Variants in MAML3 observed in about 807,000 individuals in gnomAD.
MAML3 encodes mastermind-like protein 3.
A neutral mutation model predicts 101.9 loss-of-function variants in MAML3; 27 were observed. The ratio of observed to expected loss-of-function variants is 0.27; its 90% CI spans 0.20 to 0.37. The LOEUF is 0.37. Ranked by LOEUF, MAML3 falls within the 10% of genes least tolerant of loss-of-function variation. MAML3 has a pLI of 1.00. For missense variants in MAML3, 1,316 were observed against 1,444.9 expected (o/e 0.91, Z 1.45); for synonymous variants, 501 against 555.9 (o/e 0.90, Z 1.39).
intron 1 of MAML3, among the ~76,000 whole-genome samples, chr4:139,908,977 G>A (rs1442320233): frequency 2.0e-5 from 3 of 152,160 alleles, no homozygotes; most frequent in East Asian, 3.8e-4. Flanking sequence ...TACATTATGC[G>A]AAGTACGCCC....
At chr4:139,916,708 T>C (rs1399736401) in intron 1 of MAML3, among the ~76,000 whole-genome samples, 1 of 152,240 alleles carries the variant, frequency 6.6e-6, no homozygotes, top group East Asian at 1.9e-4. Context: ...TTTTTCTTTA[T>C]TAATAGCTTT....
Position 139,719,697 on chromosome 4 carries a change from T to C in MAML3, c.3043A>G (p.Thr1015Ala). 1 of 1,613,648 alleles carries C rather than the reference T, an allele frequency of 6.2e-7. No homozygotes were observed. The highest frequency in any genetic ancestry group is 1.6e-4 in the Middle Eastern group (1 of 6,062). Residue 1015 changes from threonine (T) to alanine (A), a missense_variant, in exon 5 of 5, where the codon ACG (threonine) becomes GCG (alanine). Coordinates refer to ENST00000509479, the MANE Select transcript of MAML3 (RefSeq NM_018717.5). ...GLSQSVVDAN[T>A]GTVRTLNPAA... ...GGGTTGAGGGTCCTCACTGTGCCCG[T>C]GTTAGCATCCACGACTGACTGGCTC...
chr4:139,931,323 T>C (rs1034242807), intron 1 of MAML3, among the ~76,000 whole-genome samples: 1 of 152,132 alleles, frequency 6.6e-6, no homozygotes, highest in Non-Finnish European at 1.5e-5. Flanking sequence ...TGATGAGAGA[T>C]GTGGTAACCC....
rs191574208 is a variant in MAML3, at chr4:139,925,752, G to A, written c.469-34785C>T. On this transcript the variant is annotated intron_variant, in intron 1 of 4. Coordinates refer to ENST00000509479, the MANE Select transcript of MAML3 (RefSeq NM_018717.5). ...TCAAGTTGACAAGTGCTTTATTATA[G>A]TCTCTCTACTCTTCTGTACGTTTGA... is the stretch of plus-strand genomic sequence containing the variant. 1.3e-3 allele frequency among the ~76,000 whole-genome samples: 199 copies of A among 152,274 alleles called. 1 individual carries two copies. The highest frequency in any genetic ancestry group is 4.3e-3 in the African/African-American group (180 of 41,548).
intron 1 of MAML3, among the ~76,000 whole-genome samples, chr4:140,112,704 T>C (rs1370007503): frequency 6.6e-6 from 1 of 152,242 alleles, no homozygotes; most frequent in African/African-American, 2.4e-5. Context: ...CAAAGACTCT[T>C]CAGAACCAGT....
intron 1 of MAML3, among the ~76,000 whole-genome samples, chr4:139,979,569 T>C (rs577644528): frequency 6.6e-6 from 1 of 152,292 alleles, no homozygotes; most frequent in East Asian, 1.9e-4. Flanking sequence ...AATGTGACAG[T>C]ATCAAGAGGT....
intron 1 of MAML3, among the ~76,000 whole-genome samples, chr4:139,932,538 A>T (rs1483018834): frequency 6.6e-6 from 1 of 152,194 alleles, no homozygotes. Context: ...GGAGCAGGAA[A>T]ACAGCTTGTT....
Position 139,718,070 on chromosome 4 carries a change from G to A in MAML3, c.*1253C>T, listed in dbSNP as rs577789650. 6.6e-6 allele frequency: 1 copy of A among 152,228 alleles called. No individual in the cohort carries two copies. Among genetic ancestry groups the A allele is most frequent in the Non-Finnish European group, 1.5e-5 (1 of 68,002 alleles). 9.4% of individuals were successfully genotyped at this position (152,228 alleles called of 1,614,324 possible). Reference sequence around the variant, plus strand: ...GTCTTTCTGATGAGTAGGGATGATGGGAAAGGTGGATTTTTAGAGCATCAC... The same window carrying A: ...GTCTTTCTGATGAGTAGGGATGATGAGAAAGGTGGATTTTTAGAGCATCAC... On this transcript the variant is annotated 3_prime_UTR_variant, in exon 5 of 5. Coordinates refer to ENST00000509479, the MANE Select transcript of MAML3 (RefSeq NM_018717.5).
At chr4:140,038,634 A>G (rs1005678310) in intron 1 of MAML3, among the ~76,000 whole-genome samples, 7 of 152,298 alleles carry the variant, frequency 4.6e-5, no homozygotes, top group South Asian at 2.1e-4. Flanking sequence ...ACAAGTACTG[A>G]ATGCCCTGTA....
chr4:139,922,190 C>A (rs939226264), intron 1 of MAML3, among the ~76,000 whole-genome samples: 1 of 152,076 alleles, frequency 6.6e-6, no homozygotes, highest in African/African-American at 2.4e-5. Flanking sequence ...TGTCCTCCCC[C>A]TTCTGCTCCC....
chr4:140,115,121 A>C (rs963107873), intron 1 of MAML3, among the ~76,000 whole-genome samples: 3 of 152,200 alleles, frequency 2.0e-5, no homozygotes, highest in African/African-American at 7.2e-5. Flanking sequence ...AGTTTTATTA[A>C]ACATTTGTCC....
At chr4:140,020,040 C>T (rs1726707682) in intron 1 of MAML3, among the ~76,000 whole-genome samples, 1 of 152,132 alleles carries the variant, frequency 6.6e-6, no homozygotes, top group Admixed American at 6.5e-5. Flanking sequence ...GGACATATGC[C>T]TTGTTTTCTC....
intron 1 of MAML3, among the ~76,000 whole-genome samples, chr4:139,907,155 C>T (rs1732836127): frequency 6.6e-6 from 1 of 152,180 alleles, no homozygotes; most frequent in African/African-American, 2.4e-5. Flanking sequence ...ATGTCAGGAA[C>T]TTGAAAAGCA....
At chr4:140,094,124 T>C (rs1295061270) in intron 1 of MAML3, among the ~76,000 whole-genome samples, 1 of 152,224 alleles carries the variant, frequency 6.6e-6, no homozygotes, top group Non-Finnish European at 1.5e-5. Context: ...CCTTCAGTTC[T>C]ATTTGCAGGC....
intron 2 of MAML3, among the ~76,000 whole-genome samples, chr4:139,779,912 C>T (rs1447008748): frequency 6.6e-6 from 1 of 152,194 alleles, no homozygotes; most frequent in African/African-American, 2.4e-5. Context: ...GATCAGTCTT[C>T]GTTATGTTGT....
At chr4:140,035,459 C>G (rs1578652833) in intron 1 of MAML3, among the ~76,000 whole-genome samples, 1 of 152,108 alleles carries the variant, frequency 6.6e-6, no homozygotes, top group Non-Finnish European at 1.5e-5. Context: ...AAATTACAAA[C>G]CACATCCTTA....
intron 2 of MAML3, chr4:139,888,660 TAG>T: frequency 1.9e-6 from 1 of 519,002 alleles, no homozygotes; most frequent in East Asian, 5.4e-5. Flanking sequence ...AGTGGGAAAG[TAG>T]AGACTTTAAT....
At chr4:139,833,197 C>T (rs1462902030) in intron 2 of MAML3, among the ~76,000 whole-genome samples, 2 of 152,186 alleles carry the variant, frequency 1.3e-5, no homozygotes, top group African/African-American at 4.8e-5. Context: ...CACACAAACA[C>T]GCAAGTTAGC....
intron 1 of MAML3, among the ~76,000 whole-genome samples, chr4:140,044,614 T>C (rs1315675526): frequency 6.6e-6 from 1 of 152,218 alleles, no homozygotes; most frequent in Non-Finnish European, 1.5e-5. Flanking sequence ...GCCTGTGTCA[T>C]GTCCCTGCTT....
Sources: gnomAD v4.1 joint callset for allele counts (sites outside exome capture counted in the v4.1 genomes callset) on GRCh38, gnomAD v4.1.1 for gene constraint, MANE v1.5 for transcripts, NCBI Gene and HGNC (gene_info 2026-07-23, HGNC 2026-07-21) for gene names.